MYOM1: variants seen among roughly 807,000 people sequenced by gnomAD.
MYOM1 encodes myomesin-1.
Under a neutral mutation model 205.3 loss-of-function variants are expected in MYOM1, and 164 were observed. The observed-to-expected ratio is 0.80, with a 90% CI of 0.70 to 0.91. MYOM1 has a LOEUF of 0.91. MYOM1 is among the 40% of genes least tolerant of loss of function. The pLI, the probability that MYOM1 is intolerant of heterozygous loss-of-function variation, is 0.00. For synonymous variants in MYOM1, 772 were observed against 789.4 expected, an observed-to-expected ratio of 0.98 and a Z score of 0.37; for missense variants, 2,011 against 2,127.3, an observed-to-expected ratio of 0.95 and a Z score of 1.08.
intron 30 of MYOM1, 27 bp from the exon 31 acceptor site, chr18:3,085,159 G>A: frequency 6.6e-7 from 1 of 1,507,862 alleles, no homozygotes; most frequent in Non-Finnish European, 9.0e-7. Context: ...ATACCACATT[G>A]CACCTTTCGT....
At chr18:3,096,509 C>T (rs867649224) in intron 25 of MYOM1, among the ~76,000 whole-genome samples, 6 of 149,814 alleles carry the variant, frequency 4.0e-5, no homozygotes, top group Admixed American at 3.3e-4. Context: ...GGCATGATCT[C>T]GGCTCACTGC....
the MYOM1 span, among the ~76,000 whole-genome samples, chr18:3,239,756 CAAAAAAAAAAAA>C: frequency 7.1e-5 from 3 of 42,214 alleles, no homozygotes; most frequent in Non-Finnish European, 8.9e-5. Flanking sequence ...CACCTTGTCT[CAAAAAAAAAAAA>C]AAAAAAAAAA....
chr18:3,173,022 T>C (rs1245951900), intron 8 of MYOM1, among the ~76,000 whole-genome samples: 1 of 152,196 alleles, frequency 6.6e-6, no homozygotes, highest in Admixed American at 6.5e-5. Context: ...AAAACTGCTA[T>C]CAGCCATTTT....
intron 5 of MYOM1, among the ~76,000 whole-genome samples, chr18:3,185,101 CTTTTTG>C (rs906330878): frequency 3.9e-5 from 6 of 152,112 alleles, no homozygotes; most frequent in African/African-American, 1.2e-4. Flanking sequence ...AGTTTCCATT[CTTTTTG>C]TTTTTGTTTT....
At position 3,187,641 on chromosome 18, in the gene MYOM1, A is replaced by G. The variant is rs763508572; in HGVS notation, c.772-4T>C. The stretch of plus-strand genomic sequence containing the variant: ...GATATGTCTCGGTTTCTTCTAACTG[A>G]AAAAACAAATATGCAAACAAACATA... On this transcript the variant is annotated splice_polypyrimidine_tract_variant and splice_region_variant and intron_variant, in intron 4 of 37. Transcript: ENST00000356443. The G allele has an allele frequency of 1.3e-6, 2 of 1,585,554 alleles. No homozygotes were observed. The highest frequency in any genetic ancestry group is 1.7e-6 in the Non-Finnish European group (2 of 1,159,410).
At chr18:3,078,402 T>A (rs1341850500) in intron 34 of MYOM1, among the ~76,000 whole-genome samples, 1 of 144,228 alleles carries the variant, frequency 6.9e-6, no homozygotes, top group Non-Finnish European at 1.5e-5. Context: ...TTATTAACTT[T>A]AATACAGTAT....
At chr18:3,221,880 A>G (rs2144284566), upstream of MYOM1, among the ~76,000 whole-genome samples, 1 of 152,316 alleles carries the variant, frequency 6.6e-6, no homozygotes, top group South Asian at 2.1e-4. Context: ...TATGTTCCCC[A>G]AGCATCCATT....
At chr18:3,181,797 C>A (rs540102076) in intron 5 of MYOM1, among the ~76,000 whole-genome samples, 1 of 139,738 alleles carries the variant, frequency 7.2e-6, no homozygotes, top group South Asian at 2.2e-4. Flanking sequence ...CGCAGTGGTG[C>A]GATCTCACTC....
chr18:3,192,294 G>A (rs889741983), intron 3 of MYOM1, among the ~76,000 whole-genome samples: 3 of 152,174 alleles, frequency 2.0e-5, no homozygotes, highest in African/African-American at 7.2e-5. Flanking sequence ...AGGTCAAAAG[G>A]CTGGGCATCC....
At chr18:3,195,519 G>A (rs1015599965) in intron 2 of MYOM1, among the ~76,000 whole-genome samples, 7 of 152,086 alleles carry the variant, frequency 4.6e-5, no homozygotes, top group Non-Finnish European at 1.5e-5. Flanking sequence ...TATTCCATTA[G>A]CATCCAAAAT....
At chr18:3,071,727 G>A in intron 37 of MYOM1, 107 bp downstream of exon 37, 1 of 1,067,934 alleles carries the variant, frequency 9.4e-7, no homozygotes, top group Non-Finnish European at 1.4e-6. Flanking sequence ...GGAGTACGAT[G>A]AAGGTGGTGG....
At chr18:3,099,094 C>G (rs1326505222) in intron 25 of MYOM1, among the ~76,000 whole-genome samples, 1 of 152,200 alleles carries the variant, frequency 6.6e-6, no homozygotes, top group Non-Finnish European at 1.5e-5. Flanking sequence ...GCTGGGAGTA[C>G]AGGTGTGAAC....
At chr18:3,067,980 C>T (rs920772598) in intron 37 of MYOM1, among the ~76,000 whole-genome samples, 1 of 152,056 alleles carries the variant, frequency 6.6e-6, no homozygotes, top group African/African-American at 2.4e-5. Context: ...CATCAAAGAG[C>T]CGGGCAGCAG....
chr18:3,162,808 G>A (rs1268571070), intron 10 of MYOM1, among the ~76,000 whole-genome samples: 1 of 152,146 alleles, frequency 6.6e-6, no homozygotes. Context: ...GGTGGATCAC[G>A]AGGTCAGGAG....
intron 10 of MYOM1, among the ~76,000 whole-genome samples, chr18:3,160,386 A>C (rs969119570): frequency 6.6e-6 from 1 of 151,914 alleles, no homozygotes; most frequent in Non-Finnish European, 1.5e-5. Context: ...GGGTCTTGCT[A>C]TGTGGCCCAG....
upstream of MYOM1, among the ~76,000 whole-genome samples, chr18:3,220,560 A>C (rs1326733138): frequency 6.6e-6 from 1 of 152,106 alleles, no homozygotes. Flanking sequence ...ATCTTTCCTA[A>C]CTCAGAGTAG....
At chr18:3,137,299 T>G (rs2079985393) in intron 14 of MYOM1, among the ~76,000 whole-genome samples, 1 of 152,190 alleles carries the variant, frequency 6.6e-6, no homozygotes, top group Non-Finnish European at 1.5e-5. Flanking sequence ...TTCTACTATA[T>G]GATCCAGCAA....
At chr18:3,243,196 G>C in the MYOM1 span, among the ~76,000 whole-genome samples, 27 of 152,074 alleles carry the variant, frequency 1.8e-4, no homozygotes, top group African/African-American at 5.8e-4. Flanking sequence ...TTATGTAAAC[G>C]CTTATTCATT....
At chr18:3,155,141 G>C in intron 10 of MYOM1, 53 bp from the exon 11 acceptor site, 1 of 1,539,882 alleles carries the variant, frequency 6.5e-7, no homozygotes, top group Non-Finnish European at 8.8e-7. Flanking sequence ...CTGTCAGTCG[G>C]CAGGCAGGTC....
Sources: allele counts gnomAD v4.1 joint callset (sites outside exome capture counted in the v4.1 genomes callset), GRCh38; gene constraint gnomAD v4.1.1; transcripts MANE v1.5; gene names NCBI Gene and HGNC (gene_info 2026-07-23, HGNC 2026-07-21).